Variants in TNXB observed in about 807,000 individuals in gnomAD.
TNXB encodes tenascin XB, also known as tenascin-X.
In TNXB, 183 loss-of-function variants were observed where a neutral mutation model predicts 340.5. That is an observed-to-expected ratio of 0.54 (90% CI 0.48 to 0.61). The LOEUF is 0.61. Ranked by LOEUF, TNXB falls within the 20% of genes least tolerant of loss-of-function variation. The probability of loss-of-function intolerance (pLI) is 0.00; values close to 1 mark genes in which losing one functional copy is unlikely to be tolerated. For synonymous variants in TNXB, 2,121 were observed against 2,314.5 expected (o/e 0.92, Z 2.40); for missense variants, 4,613 against 5,446.4 (o/e 0.85, Z 4.82).
chr6:32,099,585 A>G (rs1780606122), intron 1 of TNXB, among the ~76,000 whole-genome samples: 1 of 151,990 alleles, frequency 6.6e-6, no homozygotes, highest in South Asian at 2.1e-4. Context: ...GCTGGACTTG[A>G]ACTCCTGGGC....
Position 32,052,884 on chromosome 6 carries a change from C to T in TNXB, c.8901G>A (p.Ser2967=), listed in dbSNP as rs1346570004. Residue 2967 remains serine (S), a synonymous_variant, in exon 26 of 44, where the codon TCG becomes TCA. Coordinates refer to ENST00000644971, the MANE Select transcript of TNXB (RefSeq NM_001365276.2). This position sits in a 1 kb window ranked among gnomAD's most constrained non-coding sequence, Gnocchi z 4.7. Reference sequence around the variant, plus strand: ...GGGGGATGGTCCAGGAGAGGCTCAGCGAGTCAGGGGAGGATCCTGTCACTG... The same window carrying T: ...GGGGGATGGTCCAGGAGAGGCTCAGTGAGTCAGGGGAGGATCCTGTCACTG... ...ELTVTGSSPD[S]LSLSWTIPQG... 7 of 1,612,930 alleles carry T rather than the reference C, an allele frequency of 4.3e-6. No homozygotes were observed. Among genetic ancestry groups the T allele is most frequent in the East Asian group, 4.5e-5 (2 of 44,868 alleles).
rs61740712 is a variant in TNXB at position 32,053,578 on chromosome 6, G to A, written c.8601C>T (p.Pro2867=). The A allele has an allele frequency of 9.8e-3, 15,844 of 1,613,638 alleles. 84 individuals carry two copies. The highest frequency in any genetic ancestry group is 0.011 in the Non-Finnish European group (13,031 of 1,179,862). Reference sequence around the variant, plus strand: ...CCAGGAAGTGGTCAAACTGGCCCTCGGGGACCATCCAGGACAGGCTGAGGG... The same window carrying A: ...CCAGGAAGTGGTCAAACTGGCCCTCAGGGACCATCCAGGACAGGCTGAGGG... ...PDSLSLSWMV[P]EGQFDHFLVQ... is the part of the protein sequence containing the mutation. The change falls in exon 25 of 44, where the codon CCC becomes CCT. Residue 2867 remains proline (P), a synonymous_variant. Transcript: ENST00000644971.
In TNXB at chr6:32,096,140, A is replaced by G; in HGVS notation, c.1713T>C (p.Asp571=). 1.2e-5 allele frequency: 19 copies of G among 1,597,648 alleles called. No individual in the cohort carries two copies. Among genetic ancestry groups the G allele is most frequent in the Non-Finnish European group, 1.5e-5 (18 of 1,173,836 alleles). ...GGCRGRGQCL[D]GRCVCEDGYS... is the part of the protein sequence containing the mutation. ...AGCCGTCCTCGCACACACACCGCCC[A>G]TCTAGGCACTGGCCGCGGCCTCGGC... Residue 571 remains aspartate, a synonymous_variant, in exon 3 of 44, where the codon GAT becomes GAC. Transcript: ENST00000644971.
Position 32,068,365 on chromosome 6 carries a change from C to T in TNXB, c.6220+25G>A. On this transcript the variant is annotated intron_variant, in intron 17 of 43. Transcript: ENST00000644971. The surrounding 1 kb of genome is among the most constrained non-coding windows in gnomAD (Gnocchi z 5.3). ...AGGGTGACCCTCCCATGGCTCCCAC[C>T]CTGGGGCTCCCATCATCCACTCACC... 1 of 1,610,078 alleles carries T rather than the reference C, an allele frequency of 6.2e-7. No individual in the cohort carries two copies. The highest frequency in any genetic ancestry group is 8.5e-7 in the Non-Finnish European group (1 of 1,177,496).
intron 4 of TNXB, among the ~76,000 whole-genome samples, chr6:32,094,456 G>A (rs1780224326): frequency 6.6e-6 from 1 of 152,104 alleles, no homozygotes; most frequent in South Asian, 2.1e-4. Flanking sequence ...GCCTGCTTGT[G>A]TGACTACAAA....
In TNXB at chr6:32,082,746, A is replaced by C. The variant is rs1420039184; in HGVS notation, c.3446-420T>G. Among the ~76,000 whole-genome samples, 1 of 152,156 alleles carries C rather than the reference A, an allele frequency of 6.6e-6. No individual in the cohort carries two copies. The highest frequency in any genetic ancestry group is 1.5e-5 in the Non-Finnish European group (1 of 68,026). Reference sequence around the variant, plus strand: ...GGCTTCTTCTCCAAGAGAGGAGAGCACAATCCTTGAAGCGTTTTAACGTGG... The same window carrying C: ...GGCTTCTTCTCCAAGAGAGGAGAGCCCAATCCTTGAAGCGTTTTAACGTGG... On this transcript the variant is annotated intron_variant, in intron 8 of 43. Transcript: ENST00000644971. The surrounding 1 kb of genome is among the most constrained non-coding windows in gnomAD (Gnocchi z 5.0).
rs1777308939 is a variant in TNXB at position 32,052,022 on chromosome 6, G to A, written c.9115+648C>T. Among the ~76,000 whole-genome samples the A allele has an allele frequency of 6.6e-6, 1 of 152,140 alleles. No individual in the cohort carries two copies. Among genetic ancestry groups the A allele is most frequent in the Non-Finnish European group, 1.5e-5 (1 of 68,052 alleles). ...GTGACAGTCCACAGCAATGTGAGTG[G>A]ACTTCATGCTGGACTGCAAACTAGA... On this transcript the variant is annotated intron_variant, in intron 26 of 43. Transcript: ENST00000644971. The surrounding 1 kb of genome is among the most constrained non-coding windows in gnomAD (Gnocchi z 4.7).
chr6:32,093,612 TG>T (rs1397307816), intron 4 of TNXB, among the ~76,000 whole-genome samples: 1 of 152,156 alleles, frequency 6.6e-6, no homozygotes, highest in African/African-American at 2.4e-5. Flanking sequence ...GAGGATGACA[TG>T]GCCCACACCC....
chr6:32,105,746 T>C (rs1284946830), intron 1 of TNXB, among the ~76,000 whole-genome samples: 1 of 152,160 alleles, frequency 6.6e-6, no homozygotes, highest in Non-Finnish European at 1.5e-5. Flanking sequence ...GTACAAGCAC[T>C]TTGGAAAACT....
chr6:32,069,058 A>G lies in TNXB; in HGVS notation c.5666T>C (p.Val1889Ala), dbSNP rs575571619. The change falls in exon 16 of 44, where the codon GTG becomes GCG. Residue 1889 changes from valine to alanine, a missense_variant. Val to Ala is a moderately conservative substitution (Grantham distance 64). This residue lies in a region of TNXB where 4,327 missense variants were observed against 4,859.4 expected (regional missense o/e 0.89). Coordinates refer to ENST00000644971, the MANE Select transcript of TNXB (RefSeq NM_001365276.2). This position sits in a 1 kb window ranked among gnomAD's most constrained non-coding sequence, Gnocchi z 6.2. ...CAGGGTGTGTGACGTGGCCTCCTCCACTGTCAACTCCCCGAGGTGGGGCTC... is the reference window on the plus strand; with the variant it reads ...CAGGGTGTGTGACGTGGCCTCCTCCGCTGTCAACTCCCCGAGGTGGGGCTC... ...APEPHLGELTVEEATSHTLHL... is the reference protein window; with the variant it reads ...APEPHLGELTAEEATSHTLHL... 6.9e-5 allele frequency: 111 copies of G among 1,612,724 alleles called. No homozygotes were observed. The Admixed American group carries it at 1.8e-3, about 26-fold the overall frequency.
At position 32,074,024 on chromosome 6, in the gene TNXB, T is replaced by TATTTTTA; in HGVS notation, c.4376-73_4376-72insTAAAAAT. The TATTTTTA allele has an allele frequency of 7.8e-7, 1 of 1,282,260 alleles. No individual in the cohort carries two copies. The highest frequency in any genetic ancestry group is 1.5e-5 in the African/African-American group (1 of 66,838). The allele number at this position is 1,282,260 out of a possible 1,614,324, so 79.4% of individuals were successfully genotyped here. A position where few individuals can be genotyped will look rare whatever the true frequency, so the allele number is the denominator to read the frequency against. On this transcript the variant is annotated intron_variant, in intron 11 of 43. Coordinates refer to ENST00000644971, the MANE Select transcript of TNXB (RefSeq NM_001365276.2). The surrounding 1 kb of genome is among the most constrained non-coding windows in gnomAD (Gnocchi z 5.5). ...CTTATAGTAATGATGTCTAGTTATTTATTTTTTATTTTTTATTTTTGAGAT... is the reference window on the plus strand; with the variant it reads ...CTTATAGTAATGATGTCTAGTTATTTATTTTTAATTTTTTATTTTTTATTTTTGAGAT...
At position 32,081,293 on chromosome 6, in the gene TNXB, T is replaced by C; in HGVS notation, c.4042+75A>G. 3 of 1,421,492 alleles carry C rather than the reference T, an allele frequency of 2.1e-6. No individual in the cohort carries two copies. The highest frequency in any genetic ancestry group is 2.8e-6 in the Non-Finnish European group (3 of 1,056,430). The allele number at this position is 1,421,492 out of a possible 1,614,324, so 88.1% of individuals were successfully genotyped here. On this transcript the variant is annotated intron_variant, in intron 10 of 43. Coordinates refer to ENST00000644971, the MANE Select transcript of TNXB (RefSeq NM_001365276.2). This position sits in a 1 kb window ranked among gnomAD's most constrained non-coding sequence, Gnocchi z 5.1. The stretch of plus-strand genomic sequence containing the variant: ...TGAGAAGGCGAAGATGGAGGGAGGC[T>C]GGAAGGAGCCCCAGCCAAGTCCCGC...
Position 32,046,313 on chromosome 6 carries a change from G to A in TNXB, c.10468C>T (p.Pro3490Ser). ...TCTGCGGCCACAGGCACTGCCCTGG[G>A]CTGCCCGTCCGTGTCCCTGTACTGG... ...VVQYRDTDGQ[P>S]RAVPVAADQR... is the part of the protein sequence containing the mutation. The change falls in exon 31 of 44, where the codon CCC becomes TCC. Residue 3490 changes from proline (P) to serine (S), a missense_variant. By Grantham distance (74) the Pro-to-Ser change is moderately conservative. Coordinates refer to ENST00000644971, the MANE Select transcript of TNXB (RefSeq NM_001365276.2). This position sits in a 1 kb window ranked among gnomAD's most constrained non-coding sequence, Gnocchi z 6.9. 1 of 1,606,670 alleles carries A rather than the reference G, an allele frequency of 6.2e-7. No individual in the cohort carries two copies. The highest frequency in any genetic ancestry group is 8.5e-7 in the Non-Finnish European group (1 of 1,178,148).
In TNXB at chr6:32,107,988, G is replaced by A. The variant is rs570804171; in HGVS notation, c.-9+1193C>T. ...ACCCCTTATTCTGGGGAGCTAATCG[G>A]CCTGGGAATGGAAAAATTAAGAGAA... On this transcript the variant is annotated intron_variant, in intron 1 of 43. Transcript: ENST00000644971. Among the ~76,000 whole-genome samples, 801 of 152,242 alleles carry A rather than the reference G, an allele frequency of 5.3e-3. 8 individuals carry two copies. Among genetic ancestry groups the A allele is most frequent in the African/African-American group, 0.017 (725 of 41,538 alleles).
In TNXB at chr6:32,069,102, G is replaced by T; in HGVS notation, c.5622C>A (p.Ala1874=). ...GGGGCTCAGGCGCTGGAGGGGTCGGGGCCGTGGTCTCAGTTTCCGTTTCTT... is the reference window on the plus strand; with the variant it reads ...GGGGCTCAGGCGCTGGAGGGGTCGGTGCCGTGGTCTCAGTTTCCGTTTCTT... ...GREETETETT[A]PTPPAPEPHL... Residue 1874 remains alanine, a synonymous_variant, in exon 16 of 44, where the codon GCC becomes GCA. Transcript: ENST00000644971. The surrounding 1 kb of genome is among the most constrained non-coding windows in gnomAD (Gnocchi z 6.2). 1 of 1,611,218 alleles carries T rather than the reference G, an allele frequency of 6.2e-7. No individual in the cohort carries two copies.
Position 32,072,039 on chromosome 6 carries a change from C to T in TNXB, c.4941G>A (p.Gly1647=). 6.2e-7 allele frequency: 1 copy of T among 1,609,900 alleles called. No homozygotes were observed. Among genetic ancestry groups the T allele is most frequent in the African/African-American group, 1.3e-5 (1 of 75,008 alleles). The change falls in exon 13 of 44, where the codon GGG becomes GGA. Residue 1647 remains glycine, a synonymous_variant. Coordinates refer to ENST00000644971, the MANE Select transcript of TNXB (RefSeq NM_001365276.2). The surrounding 1 kb of genome is among the most constrained non-coding windows in gnomAD (Gnocchi z 4.4). ...GGCTGCGTCGTTTCCCATCCTGGATCCCAAAGAGCAGGAACTTGTACTTGC... is the reference window on the plus strand; with the variant it reads ...GGCTGCGTCGTTTCCCATCCTGGATTCCAAAGAGCAGGAACTTGTACTTGC... The part of the protein sequence containing the change: ...PSRKYKFLLF[G]IQDGKRRSPV...
chr6:32,095,037 C>T, intron 4 of TNXB, 39 bp downstream of exon 4: 1 of 1,506,848 alleles, frequency 6.6e-7, no homozygotes, highest in Non-Finnish European at 9.0e-7. Context: ...CCCTGTCCTG[C>T]CCACTCAGTC....
Position 32,070,331 on chromosome 6 carries a change from G to A in TNXB, c.5074C>T (p.Leu1692Phe). The A allele has an allele frequency of 6.2e-7, 1 of 1,610,928 alleles. No homozygotes were observed. Among genetic ancestry groups the A allele is most frequent in the Non-Finnish European group, 8.5e-7 (1 of 1,178,906 alleles). The change falls in exon 14 of 44, where the codon CTC (leucine) becomes TTC (phenylalanine). Residue 1692 changes from leucine (L) to phenylalanine (F), a missense_variant. By Grantham distance (22) the Leu-to-Phe change is conservative (BLOSUM62 0). Transcript: ENST00000644971. This position sits in a 1 kb window ranked among gnomAD's most constrained non-coding sequence, Gnocchi z 6.0. ...TGGCCCTCAGGAACCGTCCAGGAGA[G>A]GCGCAGTGAGTCTGGGGTGGGGTCT... is the stretch of plus-strand genomic sequence containing the variant. ...VTDPTPDSLR[L>F]SWTVPEGQFD...
rs764351363 is a variant in TNXB at position 32,097,081 on chromosome 6, G to A, written c.772C>T (p.Arg258Cys). 1.2e-6 allele frequency: 2 copies of A among 1,613,492 alleles called. No homozygotes were observed. Among genetic ancestry groups the A allele is most frequent in the South Asian group, 1.1e-5 (1 of 91,030 alleles). Residue 258 changes from arginine to cysteine, a missense_variant, in exon 3 of 44, where the codon CGC becomes TGC. Arg to Cys is a radical substitution (Grantham distance 180, BLOSUM62 -3). Transcript: ENST00000644971. The surrounding 1 kb of genome is among the most constrained non-coding windows in gnomAD (Gnocchi z 5.9). Reference protein sequence around the residue: ...SCPRGCSQRGRCEGGRCVCDP... With the variant: ...SCPRGCSQRGCCEGGRCVCDP... The stretch of plus-strand genomic sequence containing the variant: ...CACACGCAGCGCCCACCCTCACAGC[G>A]TCCCCTCTGGCTGCAACCTCGAGGG...
Sources: gnomAD v4.1 joint callset for allele counts (sites outside exome capture counted in the v4.1 genomes callset) on GRCh38, gnomAD v4.1.1 for gene constraint, gnomAD v4.1.1 regional missense constraint, Gnocchi (gnomAD v3.1) non-coding constraint, MANE v1.5 for transcripts, NCBI Gene and HGNC (gene_info 2026-07-23, HGNC 2026-07-21) for gene names.